Variants in CSE1L observed in about 807,000 individuals in gnomAD.
CSE1L encodes the protein chromosome segregation 1 like.
A neutral mutation model predicts 120.4 loss-of-function variants in CSE1L; 24 were observed. That is an observed-to-expected ratio of 0.20 (90% confidence interval 0.14 to 0.28). The LOEUF (loss-of-function observed/expected upper bound fraction) is 0.28, where lower values mean the gene tolerates loss of function less well. Ranked by LOEUF, CSE1L falls within the 10% of genes least tolerant of loss-of-function variation. CSE1L has a pLI of 1.00. For synonymous variants in CSE1L, 402 were observed against 398.3 expected (o/e 1.01, Z -0.11); for missense variants, 830 against 1,145.2 (o/e 0.72, Z 3.97).
In CSE1L at chr20:49,074,905, G is replaced by C. The variant is rs1168011100; in HGVS notation, c.1132+55G>C. ...CTCTTAGCAAGCCAGTTTTAAGGTGGTTCTCTTTCTAGTAAATGGGAGAAG... is the reference window on the plus strand; with the variant it reads ...CTCTTAGCAAGCCAGTTTTAAGGTGCTTCTCTTTCTAGTAAATGGGAGAAG... On this transcript the variant is annotated intron_variant, in intron 11 of 24. Transcript: ENST00000262982. 7 of 1,378,426 alleles carry C rather than the reference G, an allele frequency of 5.1e-6. No individual in the cohort carries two copies. The East Asian group carries it at 1.2e-4, about 23-fold the overall frequency. 85.4% of individuals were successfully genotyped at this position (1,378,426 alleles called of 1,614,324 possible).
chr20:49,089,082 T>C (rs537704455), intron 17 of CSE1L, among the ~76,000 whole-genome samples, 165 bp from the exon 18 acceptor site: 3 of 152,112 alleles, frequency 2.0e-5, no homozygotes, highest in African/African-American at 7.2e-5. Flanking sequence ...TGGTGGACTT[T>C]GGGCCATTTA....
At chr20:49,057,162 C>T (rs2091815104) in intron 1 of CSE1L, among the ~76,000 whole-genome samples, 1 of 151,964 alleles carries the variant, frequency 6.6e-6, no homozygotes, top group African/African-American at 2.4e-5. Flanking sequence ...CCTGTCTCTA[C>T]AAAATTTTTT....
intron 7 of CSE1L, among the ~76,000 whole-genome samples, chr20:49,069,479 T>G (rs923267483): frequency 6.6e-6 from 1 of 152,220 alleles, no homozygotes; most frequent in Non-Finnish European, 1.5e-5. Context: ...GCCCATTCAT[T>G]GTTTGTAGCC....
chr20:49,067,910 C>CTT (rs1312608852), intron 6 of CSE1L, among the ~76,000 whole-genome samples: 1 of 82,974 alleles, frequency 1.2e-5, no homozygotes. Flanking sequence ...TGCTTTTTCT[C>CTT]TTTTTTTTTC....
chr20:49,065,834 T>C (rs2091888377), intron 3 of CSE1L, among the ~76,000 whole-genome samples: 1 of 152,128 alleles, frequency 6.6e-6, no homozygotes, highest in African/African-American at 2.4e-5. Flanking sequence ...CCTCAGGTGA[T>C]CCACCTGCCT....
At chr20:49,080,727 C>T (rs1274764929) in intron 14 of CSE1L, among the ~76,000 whole-genome samples, 2 of 152,126 alleles carry the variant, frequency 1.3e-5, no homozygotes, top group South Asian at 2.1e-4. Flanking sequence ...CCGCCTGCCT[C>T]GGCCTCCCAA....
intron 14 of CSE1L, among the ~76,000 whole-genome samples, chr20:49,079,219 T>G (rs2091991747): frequency 6.7e-6 from 1 of 150,126 alleles, no homozygotes; most frequent in Non-Finnish European, 1.5e-5. Context: ...ATTTATTTAT[T>G]TAAAAAAAAT....
At chr20:49,079,906 C>G (rs778066114) in intron 14 of CSE1L, among the ~76,000 whole-genome samples, 1 of 152,104 alleles carries the variant, frequency 6.6e-6, no homozygotes, top group Non-Finnish European at 1.5e-5. Flanking sequence ...ATGACGAAAC[C>G]CCATCTCTAC....
intron 14 of CSE1L, among the ~76,000 whole-genome samples, chr20:49,081,463 T>C (rs1009888309): frequency 4.6e-5 from 7 of 152,234 alleles, no homozygotes; most frequent in Non-Finnish European, 1.0e-4. Flanking sequence ...TGCATTACTT[T>C]TAAAAAATCA....
At chr20:49,070,525 T>C (rs1385555863) in intron 8 of CSE1L, among the ~76,000 whole-genome samples, 1 of 152,256 alleles carries the variant, frequency 6.6e-6, no homozygotes, top group African/African-American at 2.4e-5. Flanking sequence ...TTTCATTACA[T>C]TATTGAAAGT....
intron 21 of CSE1L, 37 bp from the exon 22 acceptor site, chr20:49,092,009 G>A (rs1338598370): frequency 8.6e-7 from 1 of 1,160,352 alleles, no homozygotes; most frequent in Admixed American, 1.9e-5. Flanking sequence ...TAGTGCGTGA[G>A]TTCTCTATGC....
At chr20:49,093,564 C>CTTTTTTTT in intron 22 of CSE1L, among the ~76,000 whole-genome samples, 1 of 117,584 alleles carries the variant, frequency 8.5e-6, no homozygotes, top group Non-Finnish European at 1.7e-5. Context: ...GCTCCTCTCT[C>CTTTTTTTT]TTTTTTTTTT....
Position 49,078,595 on chromosome 20 carries a change from C to A in CSE1L, c.1455C>A (p.Ile485=). Residue 485 remains isoleucine (I), a synonymous_variant, in exon 14 of 25, where the codon ATC becomes ATA. Coordinates refer to ENST00000262982, the MANE Select transcript of CSE1L (RefSeq NM_001316.4). Reference sequence around the variant, plus strand: ...TTCCTGTCCTTAAAGCTGACGGTATCAAATATATTATGATTTTTAGAAATC... The same window carrying A: ...TTCCTGTCCTTAAAGCTGACGGTATAAAATATATTATGATTTTTAGAAATC... ...NEFPVLKADG[I]KYIMIFRNQV... is the part of the protein sequence containing the mutation. 6.4e-7 allele frequency: 1 copy of A among 1,571,432 alleles called. No homozygotes were observed. Among genetic ancestry groups the A allele is most frequent in the Non-Finnish European group, 8.6e-7 (1 of 1,158,502 alleles).
intron 1 of CSE1L, among the ~76,000 whole-genome samples, chr20:49,058,202 G>T (rs1221227756): frequency 6.6e-6 from 1 of 150,790 alleles, no homozygotes; most frequent in Non-Finnish European, 1.5e-5. Flanking sequence ...TTTTTTCTAT[G>T]ACTATCTTTT....
chr20:49,048,146 C>CTT lies in CSE1L; in HGVS notation c.-12+1740_-12+1741dup, dbSNP rs34878925. ...GGCCTTTCTCTGTGTGTGTCTCTCT[C>CTT]TTTTTTTTTTTTTTTTTTGACATGC... On this transcript the variant is annotated intron_variant, in intron 1 of 24. Transcript: ENST00000262982. Among the ~76,000 whole-genome samples the CTT allele has an allele frequency of 6.8e-3, 873 of 128,700 alleles. 11 individuals are homozygous for CTT. Among genetic ancestry groups the CTT allele is most frequent in the African/African-American group, 0.021 (703 of 33,228 alleles). 84.4% of individuals were successfully genotyped at this position (128,700 alleles called of 152,430 possible). A position where few individuals can be genotyped will look rare whatever the true frequency, so the allele number is the denominator to read the frequency against.
At chr20:49,074,930 G>A in intron 11 of CSE1L, 80 bp downstream of exon 11, 1 of 1,015,326 alleles carries the variant, frequency 9.8e-7, no homozygotes, top group Non-Finnish European at 1.5e-6. Context: ...AATGGGAGAA[G>A]TGGGATTGAG....
Position 49,075,336 on chromosome 20 carries a change from G to A in CSE1L, c.1151G>A (p.Arg384Lys), listed in dbSNP as rs774537352. The A allele has an allele frequency of 6.2e-7, 1 of 1,613,548 alleles. No homozygotes were observed. Among genetic ancestry groups the A allele is most frequent in the East Asian group, 2.2e-5 (1 of 44,856 alleles). ...LEGSDIDTRR[R>K]AACDLVRGLC... is the part of the protein sequence containing the mutation. ...TTCATAGATATTGATACTAGACGCAGGGCTGCTTGTGATCTGGTACGAGGA... is the reference window on the plus strand; with the variant it reads ...TTCATAGATATTGATACTAGACGCAAGGCTGCTTGTGATCTGGTACGAGGA... The change falls in exon 12 of 25, where the codon AGG becomes AAG. Residue 384 changes from arginine to lysine, a missense_variant. This residue lies in a region of CSE1L where 543 missense variants were observed against 640.2 expected (regional missense o/e 0.85). Coordinates refer to ENST00000262982, the MANE Select transcript of CSE1L (RefSeq NM_001316.4).
At chr20:49,077,086 T>C (rs758608413) in intron 13 of CSE1L, 22 bp downstream of exon 13, 2 of 1,511,682 alleles carry the variant, frequency 1.3e-6, no homozygotes, top group Non-Finnish European at 1.8e-6. Flanking sequence ...AATTCTTGCT[T>C]TTTTTACAGC....
intron 12 of CSE1L, 131 bp from the exon 13 acceptor site, chr20:49,076,849 A>T (rs912547386): frequency 3.4e-6 from 2 of 581,900 alleles, no homozygotes; most frequent in Admixed American, 3.4e-5. Context: ...CTCATTTTAT[A>T]CATAAGCAAT....
Sources: allele counts gnomAD v4.1 joint callset (sites outside exome capture counted in the v4.1 genomes callset), GRCh38; gene constraint gnomAD v4.1.1; regional missense constraint gnomAD v4.1.1; transcripts MANE v1.5; gene names NCBI Gene and HGNC (gene_info 2026-07-23, HGNC 2026-07-21).